TRIM23: variants seen among roughly 807,000 people sequenced by gnomAD.
The protein encoded by TRIM23 is E3 ubiquitin-protein ligase TRIM23.
In TRIM23, 27 loss-of-function variants were observed where a neutral mutation model predicts 71.0. That is an observed-to-expected ratio of 0.38 (90% CI 0.28 to 0.52). TRIM23 has a LOEUF of 0.52. TRIM23 is among the 20% of genes least tolerant of loss of function. TRIM23 has a pLI of 0.84. For synonymous variants in TRIM23, 234 were observed against 238.0 expected, an observed-to-expected ratio of 0.98 and a Z score of 0.16; for missense variants, 482 against 692.3, an observed-to-expected ratio of 0.70 and a Z score of 3.41.
intron 10 of TRIM23, among the ~76,000 whole-genome samples, chr5:65,593,562 T>C (rs1581173498): frequency 6.6e-6 from 1 of 152,236 alleles, no homozygotes; most frequent in South Asian, 2.1e-4. Context: ...CAGTTCTTAA[T>C]AGTTTGCCTT....
chr5:65,594,669 A>C (rs766164540), intron 9 of TRIM23, 24 bp from the exon 10 acceptor site: 7 of 1,534,872 alleles, frequency 4.6e-6, no homozygotes, highest in Non-Finnish European at 6.1e-6. Flanking sequence ...AATAAAAAAA[A>C]CAAAAATAGT....
At position 65,618,273 on chromosome 5, in the gene TRIM23, A is replaced by G. The variant is rs1754825270; in HGVS notation, c.82-18T>C. On this transcript the variant is annotated intron_variant, in intron 1 of 10. Transcript: ENST00000231524. Reference sequence around the variant, plus strand: ...TCTAGCACCTAATATTTGAAAAGGAAGGATGTGCTCTTTAAACAATTTTAA... The same window carrying G: ...TCTAGCACCTAATATTTGAAAAGGAGGGATGTGCTCTTTAAACAATTTTAA... 3.3e-5 allele frequency: 53 copies of G among 1,600,428 alleles called. No individual in the cohort carries two copies. The highest frequency in any genetic ancestry group is 4.3e-5 in the Non-Finnish European group (51 of 1,174,822).
chr5:65,622,528 T>C (rs916484622), intron 1 of TRIM23, among the ~76,000 whole-genome samples: 2 of 152,232 alleles, frequency 1.3e-5, no homozygotes, highest in African/African-American at 2.4e-5. Context: ...ATAAAAGCCA[T>C]GTCATTATCA....
At position 65,610,896 on chromosome 5, in the gene TRIM23, C is replaced by T. The variant is rs200859328; in HGVS notation, c.793G>A (p.Val265Met). The T allele has an allele frequency of 1.9e-5, 31 of 1,611,696 alleles. No homozygotes were observed. The African/African-American group carries it at 2.5e-4, about 13-fold the overall frequency. Residue 265 changes from valine (V) to methionine (M), a missense_variant, in exon 5 of 11, where the codon GTG (valine) becomes ATG (methionine). Around this residue, in one of 2 missense-constraint regions of TRIM23, gnomAD observed 307 missense variants for 495.8 expected, o/e 0.62. Coordinates refer to ENST00000231524, the MANE Select transcript of TRIM23 (RefSeq NM_001656.4). Reference sequence around the variant, plus strand: ...TGAGCCATTCCAATTCCATCTTCCACGATTTGTTCTCCTCCTTCAATGTGC... The same window carrying T: ...TGAGCCATTCCAATTCCATCTTCCATGATTTGTTCTCCTCCTTCAATGTGC... Reference protein sequence around the residue: ...VQHIEGGEQIVEDGIGMAHTE... With the variant: ...VQHIEGGEQIMEDGIGMAHTE...
At position 65,624,323 on chromosome 5, in the gene TRIM23, G is replaced by T; in HGVS notation, c.-49C>A. The T allele has an allele frequency of 6.2e-7, 1 of 1,602,014 alleles. No homozygotes were observed. The highest frequency in any genetic ancestry group is 1.3e-5 in the African/African-American group (1 of 74,704). On this transcript the variant is annotated 5_prime_UTR_variant, in exon 1 of 11. Transcript: ENST00000231524. ...AACAGCCTTCAGAGTCCTCAACTGA[G>T]AGGCGGGGTTGAGCCACCTACCCAG...
At chr5:65,598,884 T>C (rs80057021) in intron 7 of TRIM23, among the ~76,000 whole-genome samples, 28,967 of 152,142 alleles carry the variant, frequency 0.19, 3,409 homozygotes, top group South Asian at 0.32. Context: ...ATCATCTCAA[T>C]AGTTGCAGAA....
chr5:65,591,358 G>T lies in TRIM23; in HGVS notation c.*411C>A, dbSNP rs916394840. 4 of 1,492,390 alleles carry T rather than the reference G, an allele frequency of 2.7e-6. No individual in the cohort carries two copies. Among genetic ancestry groups the T allele is most frequent in the Non-Finnish European group, 3.6e-6 (4 of 1,126,396 alleles). The allele number at this position is 1,492,390 out of a possible 1,614,324, so 92.4% of individuals were successfully genotyped here. A position where few individuals can be genotyped will look rare whatever the true frequency, so the allele number is the denominator to read the frequency against. ...TCAGTGAAAAGGCAGGTTAAAAGAAGCAGCTATACTTCACTTGCTTCACAC... is the reference window on the plus strand; with the variant it reads ...TCAGTGAAAAGGCAGGTTAAAAGAATCAGCTATACTTCACTTGCTTCACAC... On this transcript the variant is annotated 3_prime_UTR_variant, in exon 11 of 11. Transcript: ENST00000231524.
intron 6 of TRIM23, 123 bp from the exon 7 acceptor site, chr5:65,605,168 T>C (rs950730198): frequency 4.8e-5 from 43 of 897,048 alleles, no homozygotes; most frequent in Non-Finnish European, 6.7e-5. Context: ...AAATGTAAAT[T>C]TGACAAAAAT....
At position 65,624,309 on chromosome 5, in the gene TRIM23, G is replaced by C; in HGVS notation, c.-35C>G. ...GGAAGCGCCACAGAAACAGCCTTCA[G>C]AGTCCTCAACTGAGAGGCGGGGTTG... On this transcript the variant is annotated 5_prime_UTR_variant, in exon 1 of 11. Transcript: ENST00000231524. The C allele has an allele frequency of 1.9e-6, 3 of 1,610,618 alleles. No individual in the cohort carries two copies. The highest frequency in any genetic ancestry group is 2.5e-6 in the Non-Finnish European group (3 of 1,179,006).
intron 1 of TRIM23, among the ~76,000 whole-genome samples, chr5:65,621,408 T>A (rs1429547698): frequency 6.6e-6 from 1 of 152,198 alleles, no homozygotes; most frequent in Middle Eastern, 3.2e-3. Flanking sequence ...AAATGCTGTA[T>A]TATGATACTC....
At chr5:65,603,221 T>C (rs1314452877) in intron 7 of TRIM23, among the ~76,000 whole-genome samples, 1 of 91,024 alleles carries the variant, frequency 1.1e-5, no homozygotes, top group Non-Finnish European at 2.6e-5. Flanking sequence ...TTTCTGGATA[T>C]CTGTTTAACA....
In TRIM23 at chr5:65,591,924, C is replaced by T; in HGVS notation, c.1570G>A (p.Glu524Lys). ...KQDVAGALSV[E>K]EITELLSLHK... ...AGACTGAGTAGTTCAGTGATTTCTT[C>T]TACTGACAGTGCTCCAGCAACATCC... Residue 524 changes from glutamate (E) to lysine (K), a missense_variant, in exon 11 of 11, where the codon GAA (glutamate) becomes AAA (lysine). Glu to Lys is a moderately conservative substitution (Grantham distance 56, BLOSUM62 1). Coordinates refer to ENST00000231524, the MANE Select transcript of TRIM23 (RefSeq NM_001656.4). 2 of 1,613,670 alleles carry T rather than the reference C, an allele frequency of 1.2e-6. No homozygotes were observed. Among genetic ancestry groups the T allele is most frequent in the Non-Finnish European group, 8.5e-7 (1 of 1,179,778 alleles).
intron 10 of TRIM23, among the ~76,000 whole-genome samples, chr5:65,592,929 T>C (rs773105550): frequency 6.6e-6 from 1 of 152,228 alleles, no homozygotes; most frequent in Non-Finnish European, 1.5e-5. Flanking sequence ...GTTTTATGCT[T>C]ATGTGCTATT....
intron 4 of TRIM23, 124 bp downstream of exon 4, chr5:65,611,479 A>G (rs1344484478): frequency 9.5e-7 from 1 of 1,054,214 alleles, no homozygotes; most frequent in South Asian, 1.9e-5. Flanking sequence ...ACCAAACCCA[A>G]TCACTCATCA....
chr5:65,613,704 C>T (rs969231745), intron 3 of TRIM23: 3 of 1,159,072 alleles, frequency 2.6e-6, no homozygotes, highest in African/African-American at 1.6e-5. Flanking sequence ...GCATTTTCCC[C>T]TCTGTATTAA....
intron 2 of TRIM23, among the ~76,000 whole-genome samples, chr5:65,616,910 A>C (rs1487405962): frequency 2.0e-5 from 3 of 152,028 alleles, no homozygotes; most frequent in African/African-American, 4.8e-5. Flanking sequence ...TTAGAAGAAA[A>C]GGGGTCTCAC....
In TRIM23 at chr5:65,617,601, C is replaced by T. The variant is rs115794743; in HGVS notation, c.244+492G>A. ...GTATACAGAAAACTGCAAAAAAAAG[C>T]CACAAACCCTTCAAACTCATTTTAA... On this transcript the variant is annotated intron_variant, in intron 2 of 10. Transcript: ENST00000231524. Among the ~76,000 whole-genome samples the T allele has an allele frequency of 2.4e-3, 371 of 152,170 alleles. 5 individuals carry two copies. The highest frequency in any genetic ancestry group is 8.8e-3 in the African/African-American group (366 of 41,530).
chr5:65,612,609 A>G (rs1267381353), intron 3 of TRIM23, among the ~76,000 whole-genome samples: 1 of 152,134 alleles, frequency 6.6e-6, no homozygotes, highest in African/African-American at 2.4e-5. Context: ...ACTTGAGGCC[A>G]GGAGTAAGAG....
At chr5:65,595,245 A>G (rs1456839490) in intron 9 of TRIM23, among the ~76,000 whole-genome samples, 2 of 151,870 alleles carry the variant, frequency 1.3e-5, no homozygotes, top group East Asian at 1.9e-4. Flanking sequence ...CCTTATCTCT[A>G]TTAAAAAAAA....
Sources: allele counts gnomAD v4.1 joint callset (sites outside exome capture counted in the v4.1 genomes callset), GRCh38; gene constraint gnomAD v4.1.1; regional missense constraint gnomAD v4.1.1; transcripts MANE v1.5; gene names NCBI Gene and HGNC (gene_info 2026-07-23, HGNC 2026-07-21).